TLE4: variants seen among roughly 807,000 people sequenced by gnomAD.
TLE4 encodes transducin-like enhancer protein 4.
TLE4 carries 8 observed loss-of-function variants against 92.8 expected under a neutral mutation model. The ratio of observed to expected loss-of-function variants is 0.09; its 90% CI spans 0.05 to 0.16. The LOEUF is 0.16. TLE4 is among the 10% of genes least tolerant of loss of function. The pLI, the probability that TLE4 is intolerant of heterozygous loss-of-function variation, is 1.00. For synonymous variants in TLE4, 371 were observed against 374.1 expected (o/e 0.99, Z 0.10); for missense variants, 675 against 997.6 (o/e 0.68, Z 4.36).
At chr9:79,637,118 T>C (rs887738211) in intron 6 of TLE4, among the ~76,000 whole-genome samples, 1 of 102,882 alleles carries the variant, frequency 9.7e-6, no homozygotes, top group African/African-American at 6.6e-5. Flanking sequence ...GTTAATGGAA[T>C]TTTTATTTTA....
intron 8 of TLE4, among the ~76,000 whole-genome samples, chr9:79,672,399 A>G (rs1307865730): frequency 1.3e-5 from 2 of 152,126 alleles, no homozygotes; most frequent in African/African-American, 4.8e-5. Flanking sequence ...AACTTCCCAC[A>G]TGAGCCAGGG....
At chr9:79,678,812 C>T (rs1484768200) in intron 8 of TLE4, among the ~76,000 whole-genome samples, 1 of 151,626 alleles carries the variant, frequency 6.6e-6, no homozygotes, top group African/African-American at 2.4e-5. Context: ...TGATGTTCCC[C>T]TTCCTGTGTC....
At chr9:79,616,221 C>T (rs1479181633) in intron 5 of TLE4, among the ~76,000 whole-genome samples, 2 of 152,142 alleles carry the variant, frequency 1.3e-5, no homozygotes, top group Non-Finnish European at 2.9e-5. Context: ...GATCTGGGTC[C>T]TGGCCTCCCT....
At chr9:79,624,540 CA>C (rs2051971174) in intron 5 of TLE4, among the ~76,000 whole-genome samples, 1 of 152,172 alleles carries the variant, frequency 6.6e-6, no homozygotes, top group Non-Finnish European at 1.5e-5. Flanking sequence ...AGCCCACAGC[CA>C]TTGCCATCAA....
intron 8 of TLE4, among the ~76,000 whole-genome samples, chr9:79,659,149 C>CA (rs1271999897): frequency 1.3e-5 from 2 of 152,168 alleles, no homozygotes; most frequent in African/African-American, 2.4e-5. Flanking sequence ...GAAGACCTGT[C>CA]AAAGGTCACA....
chr9:79,678,128 G>A (rs1588136987), intron 8 of TLE4, among the ~76,000 whole-genome samples: 1 of 152,020 alleles, frequency 6.6e-6, no homozygotes, highest in African/African-American at 2.4e-5. Context: ...TATTAAATGA[G>A]GCAGAAAAAA....
intron 8 of TLE4, among the ~76,000 whole-genome samples, chr9:79,664,880 G>A (rs1005200512): frequency 1.7e-4 from 25 of 151,242 alleles, no homozygotes; most frequent in African/African-American, 5.3e-4. Flanking sequence ...TTTTCTCTTT[G>A]TGCCTCCCTT....
intron 14 of TLE4, among the ~76,000 whole-genome samples, chr9:79,718,313 G>A (rs2074971694): frequency 6.6e-6 from 1 of 152,166 alleles, no homozygotes; most frequent in Admixed American, 6.5e-5. Context: ...TATAGGCGAG[G>A]TCTCATCACA....
chr9:79,649,831 T>G (rs1390803483), intron 6 of TLE4: 1 of 1,365,982 alleles, frequency 7.3e-7, no homozygotes, highest in Non-Finnish European at 9.8e-7. Context: ...AGAAAAAGAA[T>G]AAAAGTGACA....
At chr9:79,655,374 A>G (rs1385873502) in intron 8 of TLE4, among the ~76,000 whole-genome samples, 1 of 152,112 alleles carries the variant, frequency 6.6e-6, no homozygotes, top group Non-Finnish European at 1.5e-5. Flanking sequence ...TGAATGCTAA[A>G]ATTTTCTCCC....
chr9:79,644,813 G>T (rs987753370), intron 6 of TLE4, among the ~76,000 whole-genome samples: 3 of 152,122 alleles, frequency 2.0e-5, no homozygotes. Context: ...TTCTCTCCTA[G>T]AATGGAACAG....
chr9:79,619,717 G>GGT (rs758299209), intron 5 of TLE4, among the ~76,000 whole-genome samples: 6 of 152,056 alleles, frequency 3.9e-5, no homozygotes, highest in Non-Finnish European at 8.8e-5. Flanking sequence ...TGTCAGTCTT[G>GGT]GTAATATGTT....
intron 1 of TLE4, 101 bp downstream of exon 1, chr9:79,572,936 G>C (rs2036231819): frequency 3.1e-6 from 4 of 1,287,072 alleles, no homozygotes; most frequent in Non-Finnish European, 4.2e-6. Flanking sequence ...GGGGCGTGGA[G>C]AGCCGCCCGA....
rs535578698 is a variant in TLE4, at chr9:79,575,074, A to G, written c.207+138A>G. On this transcript the variant is annotated intron_variant, in intron 3 of 19. Transcript: ENST00000376552. ...CAGTTGAAGTTGTGGGAATATGTCTATTAGCAACCTGTAATTCTAGGCTGT... is the reference window on the plus strand; with the variant it reads ...CAGTTGAAGTTGTGGGAATATGTCTGTTAGCAACCTGTAATTCTAGGCTGT... 5.2e-4 allele frequency: 309 copies of G among 590,920 alleles called. 3 individuals are homozygous for G. The South Asian group carries it at 6.4e-3, about 12-fold the overall frequency. 36.6% of individuals were successfully genotyped at this position (590,920 alleles called of 1,614,324 possible). A position where few individuals can be genotyped will look rare whatever the true frequency, so the allele number is the denominator to read the frequency against.
At chr9:79,688,388 T>C (rs2066338688) in intron 8 of TLE4, among the ~76,000 whole-genome samples, 1 of 152,128 alleles carries the variant, frequency 6.6e-6, no homozygotes, top group Non-Finnish European at 1.5e-5. Context: ...ATTAAATGTC[T>C]CAATTCTTTT....
At chr9:79,632,276 C>T (rs2054487093) in intron 6 of TLE4, among the ~76,000 whole-genome samples, 1 of 152,168 alleles carries the variant, frequency 6.6e-6, no homozygotes, top group Non-Finnish European at 1.5e-5. Context: ...GGGGAGACAC[C>T]TGTAAGATGC....
chr9:79,638,962 G>C (rs55694999), intron 6 of TLE4, among the ~76,000 whole-genome samples: 5,803 of 152,184 alleles, frequency 0.038, 219 homozygotes, highest in African/African-American at 0.093. Flanking sequence ...GGAGCTCTTT[G>C]CAGGCTTCCT....
intron 14 of TLE4, among the ~76,000 whole-genome samples, chr9:79,711,166 CT>C (rs2073183032): frequency 1.3e-5 from 2 of 152,166 alleles, no homozygotes; most frequent in Non-Finnish European, 2.9e-5. Context: ...CCTAACCTTC[CT>C]TTGTTGTATC....
chr9:79,617,972 G>T (rs62569297), intron 5 of TLE4, among the ~76,000 whole-genome samples: 2 of 152,106 alleles, frequency 1.3e-5, no homozygotes, highest in Non-Finnish European at 2.9e-5. Flanking sequence ...TTGCACCATT[G>T]TGTCTTGCCC....
Sources: allele counts gnomAD v4.1 joint callset (sites outside exome capture counted in the v4.1 genomes callset), GRCh38; gene constraint gnomAD v4.1.1; transcripts MANE v1.5; gene names NCBI Gene and HGNC (gene_info 2026-07-23, HGNC 2026-07-21).